SULF1: variants seen among roughly 807,000 people sequenced by gnomAD.
SULF1 encodes extracellular sulfatase Sulf-1.
Under a neutral mutation model 110.5 loss-of-function variants are expected in SULF1, and 46 were observed. The ratio of observed to expected loss-of-function variants is 0.42; its 90% CI spans 0.33 to 0.53. The LOEUF is 0.53. Ranked by LOEUF, SULF1 falls within the 20% of genes least tolerant of loss-of-function variation. The pLI is 0.12. For missense variants in SULF1, 941 were observed against 1,094.2 expected, an observed-to-expected ratio of 0.86 and a Z score of 1.98; for synonymous variants, 371 against 387.1, an observed-to-expected ratio of 0.96 and a Z score of 0.49.
chr8:69,640,464 A>G (rs994151980), intron 21 of SULF1, among the ~76,000 whole-genome samples: 3 of 152,168 alleles, frequency 2.0e-5, no homozygotes, highest in Non-Finnish European at 2.9e-5. Flanking sequence ...TTTTTTTCCA[A>G]TGTTTTGTCT....
chr8:69,575,390 T>C (rs961178863), intron 5 of SULF1, among the ~76,000 whole-genome samples: 6 of 152,080 alleles, frequency 3.9e-5, no homozygotes, highest in Non-Finnish European at 8.8e-5. Flanking sequence ...GTTATCCTAA[T>C]AGAAAAACTG....
intron 6 of SULF1, among the ~76,000 whole-genome samples, chr8:69,581,616 G>C (rs891068140): frequency 6.6e-6 from 1 of 152,178 alleles, no homozygotes; most frequent in Non-Finnish European, 1.5e-5. Flanking sequence ...AATGCCGAAG[G>C]ATAGAAAAAT....
chr8:69,483,219 C>G (rs530582104), intron 1 of SULF1, among the ~76,000 whole-genome samples: 1 of 152,288 alleles, frequency 6.6e-6, no homozygotes, highest in South Asian at 2.1e-4. Flanking sequence ...CACAATCATA[C>G]GTTTTGCCAG....
intron 22 of SULF1, among the ~76,000 whole-genome samples, chr8:69,649,819 G>A (rs1563632278): frequency 6.6e-6 from 1 of 151,828 alleles, no homozygotes; most frequent in Non-Finnish European, 1.5e-5. Context: ...AGTTTGCTAG[G>A]TGAAGCCACT....
chr8:69,624,832 C>G (rs1809876076), intron 15 of SULF1, among the ~76,000 whole-genome samples: 1 of 152,188 alleles, frequency 6.6e-6, no homozygotes, highest in Non-Finnish European at 1.5e-5. Flanking sequence ...TGTTCTTTGG[C>G]TCCATCCAAA....
At chr8:69,502,878 G>A (rs1001720489) in intron 3 of SULF1, among the ~76,000 whole-genome samples, 7 of 151,588 alleles carry the variant, frequency 4.6e-5, no homozygotes, top group African/African-American at 9.7e-5. Flanking sequence ...GCAGAGATGG[G>A]GTTTCACCAT....
intron 6 of SULF1, among the ~76,000 whole-genome samples, chr8:69,579,564 C>CAA (rs1416643898): frequency 0.19 from 20,034 of 104,082 alleles, 1,525 homozygotes; most frequent in Admixed American, 0.27. Context: ...CACACACACA[C>CAA]AAAAAAAAAA....
At chr8:69,578,587 T>C (rs1805806122) in intron 6 of SULF1, among the ~76,000 whole-genome samples, 1 of 145,452 alleles carries the variant, frequency 6.9e-6, no homozygotes, top group Non-Finnish European at 1.5e-5. Flanking sequence ...TCCAGTGTGC[T>C]GATCAAACCT....
rs534721268 is a variant in SULF1, at chr8:69,503,156, T to C, written c.-134+1188T>C. ...TTATCCAGCTTCTCTTTCTAATACT[T>C]ATCGAATTAAACATTTTTGCCTTCA... On this transcript the variant is annotated intron_variant, in intron 3 of 22. Transcript: ENST00000402687. 7.4e-4 allele frequency among the ~76,000 whole-genome samples: 112 copies of C among 152,350 alleles called. 1 individual carries two copies. Among genetic ancestry groups the C allele is most frequent in the Middle Eastern group, 3.4e-3 (1 of 294 alleles).
chr8:69,603,074 C>T, intron 10 of SULF1, 118 bp from the exon 11 acceptor site: 1 of 1,408,842 alleles, frequency 7.1e-7, no homozygotes, highest in African/African-American at 1.4e-5. Flanking sequence ...GCCTAGGAGA[C>T]CAGATGAGAG....
rs557244756 is a variant in SULF1 at position 69,622,424 on chromosome 8, CA to C, written c.1594+1181del. On this transcript the variant is annotated intron_variant, in intron 14 of 22. Transcript: ENST00000402687. The stretch of plus-strand genomic sequence containing the variant: ...TGAAACGCCATCTCTACTAAAATTA[CA>C]AAAAAAATTAGCTGGGCATGGTGGC... Among the ~76,000 whole-genome samples, 47 of 151,752 alleles carry C rather than the reference CA, an allele frequency of 3.1e-4. 1 individual carries two copies. In the East Asian group the frequency reaches 8.1e-3, roughly 26 times the overall value.
At chr8:69,598,368 T>G (rs920064305) in intron 8 of SULF1, among the ~76,000 whole-genome samples, 1 of 152,074 alleles carries the variant, frequency 6.6e-6, no homozygotes, top group African/African-American at 2.4e-5. Context: ...CAAAACAGCT[T>G]TGGGTTTGTT....
chr8:69,525,146 A>AT (rs1164147722), intron 3 of SULF1, among the ~76,000 whole-genome samples: 1 of 152,102 alleles, frequency 6.6e-6, no homozygotes, highest in Non-Finnish European at 1.5e-5. Context: ...AGATGATCAA[A>AT]TTTTTTTATT....
chr8:69,648,493 C>G (rs1812097053), intron 22 of SULF1, among the ~76,000 whole-genome samples: 1 of 152,134 alleles, frequency 6.6e-6, no homozygotes, highest in Admixed American at 6.5e-5. Flanking sequence ...GGGGAACGGC[C>G]AGAGAGGCTC....
intron 13 of SULF1, among the ~76,000 whole-genome samples, chr8:69,609,100 T>C (rs117114656): frequency 6.6e-6 from 1 of 152,078 alleles, no homozygotes; most frequent in East Asian, 1.9e-4. Context: ...TCCCAGCACT[T>C]TGGGAGGCTG....
intron 3 of SULF1, among the ~76,000 whole-genome samples, chr8:69,544,969 A>G (rs1490343798): frequency 6.6e-6 from 1 of 152,156 alleles, no homozygotes; most frequent in African/African-American, 2.4e-5. Context: ...GGTAGATTGC[A>G]TGTGTGAAGA....
chr8:69,574,921 C>T (rs1407901393), intron 5 of SULF1, among the ~76,000 whole-genome samples: 2 of 152,162 alleles, frequency 1.3e-5, no homozygotes, highest in Non-Finnish European at 2.9e-5. Flanking sequence ...GCTTTTTGGA[C>T]TGTTGCATGC....
chr8:69,472,144 A>C (rs78211421), intron 1 of SULF1, among the ~76,000 whole-genome samples: 3,110 of 152,244 alleles, frequency 0.02, 107 homozygotes, highest in African/African-American at 0.071. Flanking sequence ...GTCCTGCACC[A>C]AGGATAATAA....
At chr8:69,474,831 A>T (rs924718834) in intron 1 of SULF1, among the ~76,000 whole-genome samples, 1 of 152,206 alleles carries the variant, frequency 6.6e-6, no homozygotes, top group Admixed American at 6.5e-5. Flanking sequence ...AAAGGTTGTT[A>T]TAAAGATTAG....
Sources: gnomAD v4.1 joint callset for allele counts (sites outside exome capture counted in the v4.1 genomes callset) on GRCh38, gnomAD v4.1.1 for gene constraint, MANE v1.5 for transcripts, NCBI Gene and HGNC (gene_info 2026-07-23, HGNC 2026-07-21) for gene names.